Variants in SHLD1 observed in about 807,000 individuals in gnomAD.
SHLD1 encodes RINN1-REV7-interacting novel NHEJ regulator 3.
In SHLD1, 3 loss-of-function variants were observed where a neutral mutation model predicts 5.5. The observed-to-expected ratio is 0.54, with a 90% CI of 0.25 to 1.40. SHLD1 has a LOEUF of 1.40. Among genes scored for constraint, SHLD1 ranks in the 40% most tolerant of loss-of-function variants. The pLI is 0.15. For missense variants in SHLD1, 210 were observed against 244.4 expected (o/e 0.86, Z 0.94); for synonymous variants, 92 against 94.3 (o/e 0.98, Z 0.14).
chr20:5,817,424 C>CTG (rs1435765186), intron 2 of SHLD1, among the ~76,000 whole-genome samples: 5 of 130,228 alleles, frequency 3.8e-5, no homozygotes, highest in Non-Finnish European at 7.7e-5. Flanking sequence ...CTCTCTCTCT[C>CTG]TCTCTCTCTG....
rs114487397 is a variant in SHLD1, at chr20:5,842,939, A to G, written c.179-20085A>G. ...CAACTTCCCATTTTATTTCTTTAAC[A>G]TATTAAGCATATTTGCCTTATATCC... On this transcript the variant is annotated intron_variant, in intron 2 of 2. Coordinates refer to ENST00000303142, the MANE Select transcript of SHLD1 (RefSeq NM_152504.4). 2.6e-3 allele frequency among the ~76,000 whole-genome samples: 397 copies of G among 152,220 alleles called. 1 individual carries two copies. Among genetic ancestry groups the G allele is most frequent in the African/African-American group, 9.2e-3 (384 of 41,538 alleles).
At chr20:5,850,495 GC>G (rs1444986648) in intron 2 of SHLD1, among the ~76,000 whole-genome samples, 3 of 150,132 alleles carry the variant, frequency 2.0e-5, no homozygotes, top group Admixed American at 6.6e-5. Flanking sequence ...CCCAGTTCCA[GC>G]TTTTTTTAGT....
chr20:5,792,577 G>C (rs932246246), intron 2 of SHLD1, among the ~76,000 whole-genome samples: 4 of 151,712 alleles, frequency 2.6e-5, no homozygotes, highest in African/African-American at 4.8e-5. Context: ...GTGCCACCAC[G>C]CCTGGCTAAT....
chr20:5,778,355 C>T (rs1205167706), intron 2 of SHLD1, among the ~76,000 whole-genome samples: 2 of 150,600 alleles, frequency 1.3e-5, no homozygotes, highest in Non-Finnish European at 3.0e-5. Flanking sequence ...TCTCGATCTC[C>T]TGACCTTGTG....
intron 2 of SHLD1, among the ~76,000 whole-genome samples, chr20:5,841,001 G>GTTCA (rs1054404521): frequency 2.6e-5 from 4 of 151,920 alleles, no homozygotes; most frequent in East Asian, 1.9e-4. Context: ...TAGTTTCTTT[G>GTTCA]TTCATTCATT....
chr20:5,771,543 A>G (rs935741948), intron 1 of SHLD1, among the ~76,000 whole-genome samples: 1 of 151,920 alleles, frequency 6.6e-6, no homozygotes, highest in African/African-American at 2.4e-5. Context: ...CTTTCTGTTC[A>G]TATCTTCCAC....
At chr20:5,822,220 G>A (rs768329652) in intron 2 of SHLD1, among the ~76,000 whole-genome samples, 3 of 152,194 alleles carry the variant, frequency 2.0e-5, no homozygotes, top group African/African-American at 7.2e-5. Context: ...CACTTTGGGA[G>A]CCCAAGGCGG....
At chr20:5,856,350 G>A (rs942561834) in intron 2 of SHLD1, among the ~76,000 whole-genome samples, 1 of 152,256 alleles carries the variant, frequency 6.6e-6, no homozygotes, top group Non-Finnish European at 1.5e-5. Context: ...GTAGGTGCTA[G>A]TCAGACTCTC....
intron 1 of SHLD1, among the ~76,000 whole-genome samples, chr20:5,769,849 CA>C (rs1378846226): frequency 7.2e-5 from 11 of 151,806 alleles, no homozygotes; most frequent in African/African-American, 2.7e-4. Flanking sequence ...ACTAAAAATA[CA>C]AAAATTAGCC....
chr20:5,789,450 A>C (rs1376359348), intron 2 of SHLD1, among the ~76,000 whole-genome samples: 1 of 151,360 alleles, frequency 6.6e-6, no homozygotes, highest in Non-Finnish European at 1.5e-5. Context: ...GGTGGTGGGC[A>C]CCTGTAATCC....
intron 2 of SHLD1, among the ~76,000 whole-genome samples, chr20:5,780,859 C>T (rs2086981085): frequency 6.6e-6 from 1 of 152,246 alleles, no homozygotes; most frequent in Admixed American, 6.5e-5. Context: ...AGGAGCCAAA[C>T]TGGATGGACG....
At chr20:5,796,977 A>C (rs796583573) in intron 2 of SHLD1, among the ~76,000 whole-genome samples, 23 of 152,332 alleles carry the variant, frequency 1.5e-4, no homozygotes, top group African/African-American at 5.5e-4. Flanking sequence ...AGTTGTTTCT[A>C]ACTAGCCAGG....
intron 2 of SHLD1, among the ~76,000 whole-genome samples, chr20:5,789,379 C>T (rs1043270248): frequency 2.0e-5 from 3 of 151,778 alleles, no homozygotes; most frequent in Admixed American, 6.6e-5. Context: ...GAGTTTGAGA[C>T]CAGCCTGGCC....
At chr20:5,798,662 G>A (rs2087247487) in intron 2 of SHLD1, among the ~76,000 whole-genome samples, 1 of 149,030 alleles carries the variant, frequency 6.7e-6, no homozygotes, top group South Asian at 2.1e-4. Context: ...CTGTCGCCCA[G>A]GCTGGAGTGC....
intron 2 of SHLD1, among the ~76,000 whole-genome samples, chr20:5,822,316 G>A (rs187665723): frequency 2.0e-5 from 3 of 152,126 alleles, no homozygotes; most frequent in East Asian, 1.9e-4. Flanking sequence ...AAAATTAGCC[G>A]GGCGTGGTGA....
At chr20:5,762,360 C>A (rs747326626) in intron 1 of SHLD1, among the ~76,000 whole-genome samples, 1 of 152,052 alleles carries the variant, frequency 6.6e-6, no homozygotes, top group African/African-American at 2.4e-5. Context: ...AAATAAATAA[C>A]AAGCTGATGC....
chr20:5,816,261 G>T (rs923593639), intron 2 of SHLD1, among the ~76,000 whole-genome samples: 1 of 152,018 alleles, frequency 6.6e-6, no homozygotes, highest in East Asian at 1.9e-4. Context: ...GTTCCAAAAA[G>T]ACACATTTTC....
At chr20:5,845,599 G>A (rs55827353) in intron 2 of SHLD1, among the ~76,000 whole-genome samples, 3,074 of 152,288 alleles carry the variant, frequency 0.02, 76 homozygotes, top group East Asian at 0.099. Context: ...ATACCTTTGC[G>A]AAAACTGCTT....
intron 2 of SHLD1, among the ~76,000 whole-genome samples, chr20:5,775,462 G>A (rs1985379438): frequency 1.3e-5 from 2 of 152,308 alleles, no homozygotes; most frequent in South Asian, 2.1e-4. Context: ...TGACTAATCT[G>A]TAGAAAAGCA....
Sources: gnomAD v4.1 joint callset for allele counts (sites outside exome capture counted in the v4.1 genomes callset) on GRCh38, gnomAD v4.1.1 for gene constraint, MANE v1.5 for transcripts, NCBI Gene and HGNC (gene_info 2026-07-23, HGNC 2026-07-21) for gene names.